PSPH: variants seen among roughly 807,000 people sequenced by gnomAD.
PSPH encodes phosphoserine phosphatase.
Under a neutral mutation model 23.4 loss-of-function variants are expected in PSPH, and 16 were observed. The observed-to-expected ratio is 0.68, with a 90% CI of 0.46 to 1.04. The LOEUF is 1.04. Ranked by LOEUF, PSPH falls within the 50% of genes least tolerant of loss-of-function variation. PSPH has a pLI of 0.00. For synonymous variants in PSPH, 68 were observed against 99.7 expected (o/e 0.68, Z 1.89); for missense variants, 223 against 273.7 (o/e 0.81, Z 1.31).
intron 5 of PSPH, among the ~76,000 whole-genome samples, chr7:56,018,644 T>G (rs1309617826): frequency 6.6e-6 from 1 of 151,692 alleles, no homozygotes; most frequent in East Asian, 2.0e-4. Flanking sequence ...CTGGGCAACA[T>G]AGCAAGACCC....
intron 3 of PSPH, among the ~76,000 whole-genome samples, chr7:56,028,569 C>G (rs1252343840): frequency 6.6e-6 from 1 of 152,032 alleles, no homozygotes; most frequent in African/African-American, 2.4e-5. Context: ...ATTGAATTTA[C>G]TTGGAAGGCT....
intron 1 of PSPH, among the ~76,000 whole-genome samples, chr7:56,044,812 C>A (rs757558620): frequency 6.6e-6 from 1 of 151,922 alleles, no homozygotes; most frequent in African/African-American, 2.4e-5. Flanking sequence ...AAAAAAAGGG[C>A]CAGGTGTGGT....
Position 56,011,819 on chromosome 7 carries a change from A to T in PSPH, c.621T>A (p.Asp207Glu). The change falls in exon 8 of 8, where the codon GAT (aspartate) becomes GAA (glutamate). Residue 207 changes from aspartate (D) to glutamate (E), a missense_variant. By Grantham distance (45) the Asp-to-Glu change is conservative. Coordinates refer to ENST00000275605, the MANE Select transcript of PSPH (RefSeq NM_004577.4). ...GGNVIRQQVKDNAKWYITDFV... is the reference protein window; with the variant it reads ...GGNVIRQQVKENAKWYITDFV... ...AATCAGTGATATACCATTTGGCGTTATCCTTGACTTGTTGCCTGATCACAT... is the reference window on the plus strand; with the variant it reads ...AATCAGTGATATACCATTTGGCGTTTTCCTTGACTTGTTGCCTGATCACAT... The T allele has an allele frequency of 6.2e-7, 1 of 1,613,658 alleles. No homozygotes were observed. The highest frequency in any genetic ancestry group is 8.5e-7 in the Non-Finnish European group (1 of 1,179,636).
chr7:56,013,154 TATACAC>T (rs1165456483), intron 7 of PSPH, among the ~76,000 whole-genome samples: 23 of 72,396 alleles, frequency 3.2e-4, no homozygotes, highest in East Asian at 9.8e-4. Flanking sequence ...TGTGTATGTG[TATACAC>T]ACACACACAC....
chr7:56,033,079 T>C (rs1472940781), intron 2 of PSPH: 1 of 152,166 alleles, frequency 6.6e-6, no homozygotes, highest in Non-Finnish European at 1.5e-5. Context: ...GTCATGATAT[T>C]GAAAACCTAC....
intron 1 of PSPH, among the ~76,000 whole-genome samples, chr7:56,039,158 A>G (rs1446905762): frequency 6.6e-6 from 1 of 151,950 alleles, no homozygotes; most frequent in Non-Finnish European, 1.5e-5. Flanking sequence ...CAAAAAAAAA[A>G]AAAAAAAAAA....
chr7:56,031,365 GCAT>G (rs2116909719), intron 3 of PSPH, among the ~76,000 whole-genome samples: 1 of 152,292 alleles, frequency 6.6e-6, no homozygotes, highest in South Asian at 2.1e-4. Flanking sequence ...CCAAACTTCA[GCAT>G]CATGTGATAT....
intron 7 of PSPH, among the ~76,000 whole-genome samples, 179 bp from the exon 8 acceptor site, chr7:56,012,048 G>A (rs868207142): frequency 6.6e-6 from 1 of 151,822 alleles, no homozygotes; most frequent in African/African-American, 2.4e-5. Flanking sequence ...TGTGACTCCA[G>A]GTATGCCCCA....
chr7:56,045,913 C>G (rs1166003492), intron 1 of PSPH, among the ~76,000 whole-genome samples: 1 of 140,514 alleles, frequency 7.1e-6, no homozygotes, highest in Non-Finnish European at 1.5e-5. Context: ...AAGAAAGAAA[C>G]AAGTCTCCTG....
chr7:56,012,214 CAG>C (rs1440725042), intron 7 of PSPH, among the ~76,000 whole-genome samples: 2 of 144,146 alleles, frequency 1.4e-5, no homozygotes, highest in African/African-American at 2.6e-5. Context: ...TTTCTTGAGA[CAG>C]AGTCTCACCC....
chr7:56,025,997 C>T (rs575262963), intron 3 of PSPH, among the ~76,000 whole-genome samples: 13 of 152,260 alleles, frequency 8.5e-5, no homozygotes, highest in Admixed American at 1.3e-4. Context: ...ACTTCTTCAC[C>T]GTGCAGATCA....
chr7:56,041,095 A>G (rs1792467928), intron 1 of PSPH, among the ~76,000 whole-genome samples: 1 of 152,100 alleles, frequency 6.6e-6, no homozygotes, highest in South Asian at 2.1e-4. Context: ...CCAGCACAGA[A>G]GCTCACGCCT....
At chr7:56,039,410 C>T (rs763471889) in intron 1 of PSPH, among the ~76,000 whole-genome samples, 6 of 152,022 alleles carry the variant, frequency 3.9e-5, no homozygotes, top group Admixed American at 1.3e-4. Context: ...GGTAGGTATA[C>T]GGATGCTTTT....
intron 1 of PSPH, among the ~76,000 whole-genome samples, chr7:56,048,440 A>C (rs1195932777): frequency 6.6e-6 from 1 of 152,200 alleles, no homozygotes; most frequent in Non-Finnish European, 1.5e-5. Flanking sequence ...CATGACAACT[A>C]AATGTGAAAT....
At chr7:56,016,070 C>T (rs1788512791) in intron 6 of PSPH, among the ~76,000 whole-genome samples, 1 of 151,822 alleles carries the variant, frequency 6.6e-6, no homozygotes, top group South Asian at 2.1e-4. Context: ...TCATTCTTGA[C>T]TTCTTTTTTC....
At chr7:56,046,604 G>T (rs1029423854) in intron 1 of PSPH, among the ~76,000 whole-genome samples, 3 of 152,042 alleles carry the variant, frequency 2.0e-5, no homozygotes, top group African/African-American at 7.2e-5. Flanking sequence ...GGCCAACATG[G>T]TGAAGCCCTG....
At chr7:56,042,053 T>C (rs1324956986) in intron 1 of PSPH, among the ~76,000 whole-genome samples, 5 of 151,742 alleles carry the variant, frequency 3.3e-5, no homozygotes, top group Non-Finnish European at 5.9e-5. Context: ...TGAAACCTCG[T>C]CTCTACTAAA....
At chr7:56,047,982 C>T (rs955412330) in intron 1 of PSPH, among the ~76,000 whole-genome samples, 1 of 148,340 alleles carries the variant, frequency 6.7e-6, no homozygotes, top group Admixed American at 6.7e-5. Flanking sequence ...TGTATTTAAA[C>T]ATAAGGAAAC....
chr7:56,049,658 G>C (rs1285982312), intron 1 of PSPH, among the ~76,000 whole-genome samples: 1 of 151,720 alleles, frequency 6.6e-6, no homozygotes, highest in South Asian at 2.1e-4. Flanking sequence ...GGCTGGTCTC[G>C]AACTCCTGAC....
Sources: gnomAD v4.1 joint callset for allele counts (sites outside exome capture counted in the v4.1 genomes callset) on GRCh38, gnomAD v4.1.1 for gene constraint, MANE v1.5 for transcripts, NCBI Gene and HGNC (gene_info 2026-07-23, HGNC 2026-07-21) for gene names.